LRP1B: variants seen among roughly 807,000 people sequenced by gnomAD.
LRP1B encodes the protein LDL receptor related protein 1B.
A neutral mutation model predicts 556.6 loss-of-function variants in LRP1B; 217 were observed. The observed-to-expected ratio is 0.39, with a 90% CI of 0.35 to 0.44. The LOEUF (loss-of-function observed/expected upper bound fraction) is 0.44. LRP1B is among the 20% of genes least tolerant of loss of function. The probability of loss-of-function intolerance (pLI) is 1.00; values close to 1 mark genes in which losing one functional copy is unlikely to be tolerated. For synonymous variants in LRP1B, 2,047 were observed against 1,865.8 expected, an observed-to-expected ratio of 1.10 and a Z score of -2.50; for missense variants, 5,053 against 5,620.8, an observed-to-expected ratio of 0.90 and a Z score of 3.23.
intron 3 of LRP1B, among the ~76,000 whole-genome samples, chr2:141,478,525 C>T (rs1415226527): frequency 8.4e-6 from 1 of 118,532 alleles, no homozygotes; most frequent in African/African-American, 3.0e-5. Flanking sequence ...TCCCTTCCTC[C>T]CTCCCTCCCT....
chr2:140,883,219 C>T (rs1693529164), intron 25 of LRP1B, among the ~76,000 whole-genome samples: 1 of 152,098 alleles, frequency 6.6e-6, no homozygotes, highest in African/African-American at 2.4e-5. Flanking sequence ...CAACGGAACA[C>T]AAAAGGGAAG....
At chr2:140,596,667 T>G (rs1194902952) in intron 43 of LRP1B, among the ~76,000 whole-genome samples, 1 of 152,186 alleles carries the variant, frequency 6.6e-6, no homozygotes, top group Admixed American at 6.5e-5. Flanking sequence ...TACACTTAGT[T>G]GGGTCCTTTT....
intron 6 of LRP1B, among the ~76,000 whole-genome samples, chr2:141,201,229 A>C (rs1303516395): frequency 6.6e-6 from 1 of 152,192 alleles, no homozygotes; most frequent in Non-Finnish European, 1.5e-5. Flanking sequence ...ATGAGTAAAA[A>C]TGGCTAAGAA....
In LRP1B at chr2:141,874,084, A is replaced by ATT. The variant is rs200281267; in HGVS notation, c.83-63685_83-63684dup. On this transcript the variant is annotated intron_variant, in intron 1 of 90. Transcript: ENST00000389484. ...AGTAAAACAATACAATGAACTAACA[A>ATT]TTTTTTTTTTTTTTTTTTTTTTTTT... Among the ~76,000 whole-genome samples, 461 of 103,032 alleles carry ATT rather than the reference A, an allele frequency of 4.5e-3. 4 individuals carry two copies. The highest frequency in any genetic ancestry group is 0.011 in the East Asian group (43 of 3,778). 67.6% of individuals were successfully genotyped at this position (103,032 alleles called of 152,430 possible).
At chr2:141,103,118 G>A (rs868095893) in intron 7 of LRP1B, among the ~76,000 whole-genome samples, 5 of 151,852 alleles carry the variant, frequency 3.3e-5, no homozygotes, top group South Asian at 4.2e-4. Flanking sequence ...AACAGTGGCT[G>A]TATTTGAGAG....
intron 81 of LRP1B, among the ~76,000 whole-genome samples, chr2:140,322,612 G>A (rs1263664810): frequency 2.2e-5 from 3 of 133,876 alleles, no homozygotes; most frequent in African/African-American, 9.6e-5. Context: ...TTTTTGAAAA[G>A]ACATGTCTAA....
chr2:142,097,348 A>T (rs1706412255), intron 1 of LRP1B, among the ~76,000 whole-genome samples: 1 of 151,616 alleles, frequency 6.6e-6, no homozygotes, highest in East Asian at 1.9e-4. Context: ...TTCAAATATG[A>T]GAAAGGAAAT....
chr2:140,990,633 G>T (rs1234387804), intron 16 of LRP1B, among the ~76,000 whole-genome samples: 3 of 151,910 alleles, frequency 2.0e-5, no homozygotes, highest in South Asian at 4.1e-4. Flanking sequence ...TACTTAGGAG[G>T]TGACCAATCC....
chr2:140,934,191 A>G (rs1242300151), intron 20 of LRP1B, among the ~76,000 whole-genome samples: 1 of 152,034 alleles, frequency 6.6e-6, no homozygotes, highest in Non-Finnish European at 1.5e-5. Context: ...TTAAAAGTAA[A>G]TAGTCAAAAA....
chr2:140,610,150 T>C (rs1683018333), intron 41 of LRP1B, among the ~76,000 whole-genome samples: 1 of 152,060 alleles, frequency 6.6e-6, no homozygotes, highest in Admixed American at 6.6e-5. Flanking sequence ...CCTCTGTCCC[T>C]TTTTTAATAT....
At chr2:141,293,613 G>C (rs1356761674) in intron 3 of LRP1B, among the ~76,000 whole-genome samples, 1 of 150,420 alleles carries the variant, frequency 6.6e-6, no homozygotes, top group African/African-American at 2.4e-5. Flanking sequence ...TGATGCCAAA[G>C]ATCACTACAT....
At chr2:141,633,484 T>C (rs777188777) in intron 2 of LRP1B, among the ~76,000 whole-genome samples, 2 of 152,120 alleles carry the variant, frequency 1.3e-5, no homozygotes, top group Non-Finnish European at 2.9e-5. Flanking sequence ...CAAGTTACAG[T>C]GTGAAATGTT....
At chr2:141,528,243 C>A (rs6714661) in intron 2 of LRP1B, among the ~76,000 whole-genome samples, 2 of 151,764 alleles carry the variant, frequency 1.3e-5, no homozygotes, top group African/African-American at 4.8e-5. Flanking sequence ...TCTCTCATAA[C>A]GGGTTAAGTA....
intron 2 of LRP1B, among the ~76,000 whole-genome samples, chr2:141,737,147 T>C (rs1458944288): frequency 6.6e-6 from 1 of 152,058 alleles, no homozygotes; most frequent in African/African-American, 2.4e-5. Context: ...AGGTGAGGAA[T>C]TTGAGACCAG....
At chr2:141,718,560 AT>A (rs1692704701) in intron 2 of LRP1B, among the ~76,000 whole-genome samples, 2 of 152,132 alleles carry the variant, frequency 1.3e-5, no homozygotes, top group Admixed American at 1.3e-4. Context: ...TTATTGAAAT[AT>A]TTTTTGTTCG....
At chr2:141,382,662 C>G (rs775220940) in intron 3 of LRP1B, among the ~76,000 whole-genome samples, 13 of 152,188 alleles carry the variant, frequency 8.5e-5, no homozygotes, top group Non-Finnish European at 1.9e-4. Flanking sequence ...TCTCTTTTTG[C>G]AGTTGGGAAC....
chr2:141,030,799 G>A (rs1241001297), intron 11 of LRP1B, among the ~76,000 whole-genome samples: 2 of 151,638 alleles, frequency 1.3e-5, no homozygotes, highest in African/African-American at 4.8e-5. Context: ...CAATTGCATA[G>A]GAATAATAAA....
chr2:141,465,759 A>T (rs913643905), intron 3 of LRP1B, among the ~76,000 whole-genome samples: 2 of 152,044 alleles, frequency 1.3e-5, no homozygotes, highest in Non-Finnish European at 2.9e-5. Context: ...CATGTTTTCC[A>T]GGTCTCGAAC....
At chr2:141,537,318 A>T (rs953160383) in intron 2 of LRP1B, among the ~76,000 whole-genome samples, 4 of 152,108 alleles carry the variant, frequency 2.6e-5, no homozygotes, top group Non-Finnish European at 5.9e-5. Flanking sequence ...AATAAATAAC[A>T]AAACAGCAGG....
Sources: gnomAD v4.1 joint callset for allele counts (sites outside exome capture counted in the v4.1 genomes callset) on GRCh38, gnomAD v4.1.1 for gene constraint, MANE v1.5 for transcripts, NCBI Gene and HGNC (gene_info 2026-07-23, HGNC 2026-07-21) for gene names.